The following KIAA0825 variants were observed in gnomAD, a reference collection of about 807,000 sequenced individuals.
KIAA0825 encodes uncharacterized protein KIAA0825.
Under a neutral mutation model 147.6 loss-of-function variants are expected in KIAA0825, and 119 were observed. The observed-to-expected ratio is 0.81, with a 90% CI of 0.69 to 0.94. KIAA0825 has a LOEUF of 0.94. Ranked by LOEUF, KIAA0825 falls within the 40% of genes least tolerant of loss-of-function variation. The pLI is 0.00. For missense variants in KIAA0825, 1,381 were observed against 1,472.7 expected, an observed-to-expected ratio of 0.94 and a Z score of 1.02; for synonymous variants, 470 against 518.1, an observed-to-expected ratio of 0.91 and a Z score of 1.26.
chr5:94,389,285 A>G (rs1749584027), intron 18 of KIAA0825, among the ~76,000 whole-genome samples: 1 of 152,140 alleles, frequency 6.6e-6, no homozygotes, highest in Non-Finnish European at 1.5e-5. Flanking sequence ...GCCTCTTGCA[A>G]GTGGTTGTGG....
intron 20 of KIAA0825, among the ~76,000 whole-genome samples, chr5:94,236,346 A>G (rs1775038509): frequency 6.6e-6 from 1 of 152,218 alleles, no homozygotes; most frequent in African/African-American, 2.4e-5. Context: ...TGGAAACAGC[A>G]GGAGAACTTG....
intron 16 of KIAA0825, among the ~76,000 whole-genome samples, chr5:94,401,620 T>A (rs1751387104): frequency 6.6e-6 from 1 of 152,128 alleles, no homozygotes; most frequent in South Asian, 2.1e-4. Context: ...ACACACTGGC[T>A]CACTCACAGA....
chr5:94,249,015 G>T (rs1416258511), intron 20 of KIAA0825, among the ~76,000 whole-genome samples: 1 of 152,080 alleles, frequency 6.6e-6, no homozygotes, highest in Non-Finnish European at 1.5e-5. Context: ...AAGAAAGAAT[G>T]AAAATGTGAA....
At chr5:94,465,658 A>G (rs1027429038) in intron 10 of KIAA0825, among the ~76,000 whole-genome samples, 1 of 152,250 alleles carries the variant, frequency 6.6e-6, no homozygotes, top group Non-Finnish European at 1.5e-5. Flanking sequence ...AGATACCACA[A>G]TAGTCTGAGT....
intron 13 of KIAA0825, among the ~76,000 whole-genome samples, chr5:94,451,746 G>A (rs952508023): frequency 1.3e-5 from 2 of 152,190 alleles, no homozygotes; most frequent in South Asian, 2.1e-4. Context: ...ATGCCTAAAA[G>A]AGAATAACTC....
chr5:94,533,847 T>G (rs549291170), intron 3 of KIAA0825, among the ~76,000 whole-genome samples: 2 of 152,318 alleles, frequency 1.3e-5, no homozygotes, highest in African/African-American at 4.8e-5. Flanking sequence ...AACGAGAATG[T>G]AAAAGTGAAG....
At chr5:94,611,364 A>G (rs1387617062) in intron 1 of KIAA0825, among the ~76,000 whole-genome samples, 1 of 152,136 alleles carries the variant, frequency 6.6e-6, no homozygotes, top group Non-Finnish European at 1.5e-5. Context: ...TCCCAATAAC[A>G]AATACATTTT....
rs942705001 is a variant in KIAA0825 at position 94,520,745 on chromosome 5, T to C, written c.473A>G (p.Lys158Arg). The C allele has an allele frequency of 1.2e-6, 2 of 1,613,380 alleles. No homozygotes were observed. Among genetic ancestry groups the C allele is most frequent in the Non-Finnish European group, 1.7e-6 (2 of 1,179,460 alleles). Residue 158 changes from lysine (K) to arginine (R), a missense_variant, in exon 5 of 21, where the codon AAG becomes AGG. Lys to Arg is a conservative substitution (Grantham distance 26, BLOSUM62 2). Transcript: ENST00000682413. ...SVEDNSSMDV[K>R]SMWDDIRLHL... ...CAGTCTTATATCATCCCACATAGAC[T>C]TGACATCCATAGAGGAATTATCTTC...
At chr5:94,532,662 G>A (rs1037655128) in intron 3 of KIAA0825, among the ~76,000 whole-genome samples, 36 of 150,188 alleles carry the variant, frequency 2.4e-4, no homozygotes, top group African/African-American at 8.8e-4. Context: ...AAGTAGCTAG[G>A]ACCACAGGTG....
At chr5:94,208,293 A>T (rs192109378) in intron 20 of KIAA0825, among the ~76,000 whole-genome samples, 89 of 152,360 alleles carry the variant, frequency 5.8e-4, no homozygotes, top group Non-Finnish European at 9.4e-4. Context: ...CAAGATGCTA[A>T]TGAGAATTCT....
intron 14 of KIAA0825, among the ~76,000 whole-genome samples, chr5:94,433,251 T>G (rs1755930028): frequency 6.6e-6 from 1 of 152,114 alleles, no homozygotes; most frequent in Non-Finnish European, 1.5e-5. Context: ...ATGGTCTCGA[T>G]CTCCTGACCT....
chr5:94,464,622 C>A (rs1760255298), intron 11 of KIAA0825, among the ~76,000 whole-genome samples: 1 of 151,948 alleles, frequency 6.6e-6, no homozygotes, highest in Admixed American at 6.5e-5. Flanking sequence ...TTATAGGACA[C>A]CTTGAATCAT....
chr5:94,253,337 A>C (rs1383497183), intron 20 of KIAA0825, among the ~76,000 whole-genome samples: 2 of 152,122 alleles, frequency 1.3e-5, no homozygotes, highest in East Asian at 3.9e-4. Flanking sequence ...TCAAGGCATA[A>C]ATTTTTCATC....
intron 15 of KIAA0825, among the ~76,000 whole-genome samples, chr5:94,409,905 A>G (rs1182624501): frequency 6.6e-6 from 1 of 152,208 alleles, no homozygotes; most frequent in African/African-American, 2.4e-5. Flanking sequence ...AACAAAATCT[A>G]GAGACTCAAT....
chr5:94,506,518 C>T (rs1765757073), intron 5 of KIAA0825, among the ~76,000 whole-genome samples: 1 of 152,138 alleles, frequency 6.6e-6, no homozygotes. Flanking sequence ...TTCACTTTTA[C>T]ATTATTTAAA....
At chr5:94,212,230 CCAAA>C (rs893517850) in intron 20 of KIAA0825, among the ~76,000 whole-genome samples, 1 of 152,066 alleles carries the variant, frequency 6.6e-6, no homozygotes, top group Non-Finnish European at 1.5e-5. Context: ...CAAACTTTTC[CCAAA>C]CAAATAAGCA....
chr5:94,545,696 A>C (rs1774214492), intron 2 of KIAA0825, among the ~76,000 whole-genome samples: 1 of 152,192 alleles, frequency 6.6e-6, no homozygotes, highest in South Asian at 2.1e-4. Flanking sequence ...TGATCCCTGG[A>C]TAACTAACAA....
At chr5:94,590,443 GGAC>G (rs762437171) in intron 1 of KIAA0825, among the ~76,000 whole-genome samples, 10 of 152,246 alleles carry the variant, frequency 6.6e-5, no homozygotes, top group Non-Finnish European at 1.0e-4. Flanking sequence ...GAACTCTCAA[GGAC>G]AACAGCCACA....
At chr5:94,343,121 T>G (rs967513942) in intron 20 of KIAA0825, among the ~76,000 whole-genome samples, 3 of 152,218 alleles carry the variant, frequency 2.0e-5, no homozygotes, top group African/African-American at 7.2e-5. Flanking sequence ...TGTTCATAGC[T>G]TGGAAGACCA....
Sources: gnomAD v4.1 joint callset for allele counts (sites outside exome capture counted in the v4.1 genomes callset) on GRCh38, gnomAD v4.1.1 for gene constraint, MANE v1.5 for transcripts, NCBI Gene and HGNC (gene_info 2026-07-23, HGNC 2026-07-21) for gene names.